Variants in OXNAD1 observed in about 807,000 individuals in gnomAD.
OXNAD1 encodes oxidoreductase NAD binding domain containing 1, also known as oxidoreductase NAD-binding domain-containing protein 1.
OXNAD1 carries 34 observed loss-of-function variants against 32.9 expected under a neutral mutation model. The observed-to-expected ratio is 1.03, with a 90% CI of 0.79 to 1.38. The LOEUF is 1.38. OXNAD1 is among the 40% of genes most tolerant of loss of function. The probability of loss-of-function intolerance (pLI) is 0.00; values close to 1 mark genes in which losing one functional copy is unlikely to be tolerated. For missense variants in OXNAD1, 407 were observed against 379.4 expected, an observed-to-expected ratio of 1.07 and a Z score of -0.60; for synonymous variants, 134 against 135.2, an observed-to-expected ratio of 0.99 and a Z score of 0.06.
intron 5 of OXNAD1, among the ~76,000 whole-genome samples, chr3:16,293,485 A>G (rs1027977951): frequency 6.6e-6 from 1 of 152,166 alleles, no homozygotes; most frequent in Non-Finnish European, 1.5e-5. Context: ...TGCAATCTGA[A>G]TGCCTTTTAT....
In OXNAD1 at chr3:16,327,322, A is replaced by C. The variant is rs1053017871; in HGVS notation, c.*31-9790A>C. 6.6e-6 allele frequency among the ~76,000 whole-genome samples: 1 copy of C among 152,198 alleles called. No individual in the cohort carries two copies. The highest frequency in any genetic ancestry group is 1.5e-5 in the Non-Finnish European group (1 of 68,030). ...GTCGTTTATGTCCAGCCACAGCAAC[A>C]CACACATGCACATCCACATGTGTGT... On this transcript the variant is annotated intron_variant, in intron 9 of 9. Coordinates refer to the OXNAD1 transcript ENST00000435829. The surrounding 1 kb of genome is among the most constrained non-coding windows in gnomAD (Gnocchi z 4.2).
rs1407569680 is a variant in OXNAD1 at position 16,336,425 on chromosome 3, C to T, written c.*31-687C>T. Among the ~76,000 whole-genome samples the T allele has an allele frequency of 6.6e-6, 1 of 152,226 alleles. No homozygotes were observed. Among genetic ancestry groups the T allele is most frequent in the Non-Finnish European group, 1.5e-5 (1 of 68,040 alleles). ...GGCGACCTGCTGCTCTGTGGAGAAA[C>T]AGCAAAGCCCTCTGCAGCCAGCACA... On this transcript the variant is annotated intron_variant, in intron 9 of 9. Transcript: ENST00000435829. The surrounding 1 kb of genome is among the most constrained non-coding windows in gnomAD (Gnocchi z 6.0).
In OXNAD1 at chr3:16,330,094, G is replaced by T. The variant is rs182655388; in HGVS notation, c.*31-7018G>T. On this transcript the variant is annotated intron_variant, in intron 9 of 9. Coordinates refer to the OXNAD1 transcript ENST00000435829. The stretch of plus-strand genomic sequence containing the variant: ...TCAGGGTAGGAGATGTCAGCCAGAG[G>T]GTACAGAATCATAAAGGCCAAAAGC... Among the ~76,000 whole-genome samples, 5 of 152,228 alleles carry T rather than the reference G, an allele frequency of 3.3e-5. No homozygotes were observed. The East Asian group carries it at 9.6e-4, about 29-fold the overall frequency.
chr3:16,317,596 A>G lies in OXNAD1; in HGVS notation c.*30+14004A>G, dbSNP rs936571602. On this transcript the variant is annotated intron_variant, in intron 9 of 9. Transcript: ENST00000435829. The surrounding 1 kb of genome is among the most constrained non-coding windows in gnomAD (Gnocchi z 4.3). ...AGATGTGAGGCCTGCCCCCAGTAAG[A>G]GCCAGAGCTGCAGCTACTCATTTCC... is the stretch of plus-strand genomic sequence containing the variant. Among the ~76,000 whole-genome samples, 1 of 152,168 alleles carries G rather than the reference A, an allele frequency of 6.6e-6. No homozygotes were observed. Among genetic ancestry groups the G allele is most frequent in the African/African-American group, 2.4e-5 (1 of 41,442 alleles).
downstream of OXNAD1, among the ~76,000 whole-genome samples, chr3:16,337,672 G>A (rs781008925): frequency 2.0e-5 from 3 of 151,146 alleles, no homozygotes; most frequent in African/African-American, 7.3e-5. The surrounding 1 kb of genome is among the most constrained non-coding windows in gnomAD (Gnocchi z 5.0). Flanking sequence ...AACCCAGGAG[G>A]CGGAGGTTGC....
Position 16,277,988 on chromosome 3 carries a change from A to C in OXNAD1, c.183+6266A>C, listed in dbSNP as rs2065465401. Among the ~76,000 whole-genome samples the C allele has an allele frequency of 6.6e-6, 1 of 152,220 alleles. No homozygotes were observed. The highest frequency in any genetic ancestry group is 6.5e-5 in the Admixed American group (1 of 15,284). On this transcript the variant is annotated intron_variant, in intron 4 of 8. Coordinates refer to ENST00000285083, the MANE Select transcript of OXNAD1 (RefSeq NM_138381.5). The surrounding 1 kb of genome is among the most constrained non-coding windows in gnomAD (Gnocchi z 4.3). ...CAGTAAAGATTGTTCAGGCAAGACA[A>C]ATTTTACTGGAGGGGGTCATTCCGT...
rs2070774652 is a variant in OXNAD1, at chr3:16,335,688, G to T, written c.*31-1424G>T. Among the ~76,000 whole-genome samples the T allele has an allele frequency of 6.6e-6, 1 of 151,722 alleles. No homozygotes were observed. The highest frequency in any genetic ancestry group is 6.6e-5 in the Admixed American group (1 of 15,248). On this transcript the variant is annotated intron_variant, in intron 9 of 9. Coordinates refer to the OXNAD1 transcript ENST00000435829. The surrounding 1 kb of genome is among the most constrained non-coding windows in gnomAD (Gnocchi z 4.7). The stretch of plus-strand genomic sequence containing the variant: ...AATGGATGCTGGGCTTCATACCTAG[G>T]TGATAGCCTGATCTGAGCAGCAACA...
Position 16,290,351 on chromosome 3 carries a change from G to T in OXNAD1, c.290+3903G>T, listed in dbSNP as rs1425529557. On this transcript the variant is annotated intron_variant, in intron 5 of 8. Transcript: ENST00000285083. The surrounding 1 kb of genome is among the most constrained non-coding windows in gnomAD (Gnocchi z 4.2). ...CATATTTTCTTAAATCCATTCAGATGAAGTTTTTATGTAACTTAAATTCTT... is the reference window on the plus strand; with the variant it reads ...CATATTTTCTTAAATCCATTCAGATTAAGTTTTTATGTAACTTAAATTCTT... Among the ~76,000 whole-genome samples the T allele has an allele frequency of 6.6e-6, 1 of 152,188 alleles. No homozygotes were observed. Among genetic ancestry groups the T allele is most frequent in the African/African-American group, 2.4e-5 (1 of 41,436 alleles).
Position 16,329,725 on chromosome 3 carries a change from G to A in OXNAD1, c.*31-7387G>A, listed in dbSNP as rs1451035552. ...AAATCCACACTCTCAAGCTTTGCGA[G>A]GTTATGATTACTTGGGCCTATCAAG... On this transcript the variant is annotated intron_variant, in intron 9 of 9. Coordinates refer to the OXNAD1 transcript ENST00000435829. The surrounding 1 kb of genome is among the most constrained non-coding windows in gnomAD (Gnocchi z 4.5). 6.6e-6 allele frequency among the ~76,000 whole-genome samples: 1 copy of A among 152,180 alleles called. No homozygotes were observed. Among genetic ancestry groups the A allele is most frequent in the Non-Finnish European group, 1.5e-5 (1 of 68,036 alleles).
rs971942083 is a variant in OXNAD1, at chr3:16,342,792, A to G, written c.*31-6384A>G. Among the ~76,000 whole-genome samples, 2 of 152,152 alleles carry G rather than the reference A, an allele frequency of 1.3e-5. No individual in the cohort carries two copies. The highest frequency in any genetic ancestry group is 2.9e-5 in the Non-Finnish European group (2 of 68,018). On this transcript the variant is annotated intron_variant, in intron 9 of 9. Transcript: ENST00000606098. The surrounding 1 kb of genome is among the most constrained non-coding windows in gnomAD (Gnocchi z 4.0). The stretch of plus-strand genomic sequence containing the variant: ...TCAACATGCATGCCCAGCTTATTCA[A>G]GTTGGAAGGGGTCAGGGTGGACCTC...
At chr3:16,337,809 T>C (rs2071008497), downstream of OXNAD1, among the ~76,000 whole-genome samples, 2 of 151,898 alleles carry the variant, frequency 1.3e-5, no homozygotes, top group South Asian at 4.2e-4. This position sits in a 1 kb window ranked among gnomAD's most constrained non-coding sequence, Gnocchi z 5.0. Flanking sequence ...ATATAGTTAC[T>C]GCTGAAGGGG....
chr3:16,323,322 C>A (rs2069295159), intron 9 of OXNAD1: 4 of 1,333,140 alleles, frequency 3.0e-6, no homozygotes, highest in South Asian at 1.2e-5. Flanking sequence ...AGAAAATCCA[C>A]TGAAGATGAA....
intron 9 of OXNAD1, chr3:16,347,652 C>G (rs1044193778): frequency 2.0e-5 from 3 of 152,272 alleles, no homozygotes; most frequent in Admixed American, 2.0e-4. Flanking sequence ...ACACCACCTC[C>G]TCTCTGGAAG....
rs1029576662 is a variant in OXNAD1, at chr3:16,336,930, C to T, written c.*31-182C>T. Among the ~76,000 whole-genome samples, 2 of 152,186 alleles carry T rather than the reference C, an allele frequency of 1.3e-5. No homozygotes were observed. Among genetic ancestry groups the T allele is most frequent in the Non-Finnish European group, 2.9e-5 (2 of 68,036 alleles). Reference sequence around the variant, plus strand: ...GGTGTCTATTATGACTTCCCTGTGTCCAGGCCACTTTCCAACACAGCTCGG... The same window carrying T: ...GGTGTCTATTATGACTTCCCTGTGTTCAGGCCACTTTCCAACACAGCTCGG... On this transcript the variant is annotated intron_variant, in intron 9 of 9. Coordinates refer to the OXNAD1 transcript ENST00000435829. The surrounding 1 kb of genome is among the most constrained non-coding windows in gnomAD (Gnocchi z 6.0).
chr3:16,332,413 GCTT>G (rs1462128725), intron 9 of OXNAD1, among the ~76,000 whole-genome samples: 4 of 87,388 alleles, frequency 4.6e-5, no homozygotes, highest in Admixed American at 1.2e-4. Flanking sequence ...TCTTTTGATT[GCTT>G]CTTTTTTTTT....
At chr3:16,306,595 T>C (rs1482859855), downstream of OXNAD1, among the ~76,000 whole-genome samples, 1 of 152,204 alleles carries the variant, frequency 6.6e-6, no homozygotes, top group Admixed American at 6.5e-5. Context: ...CACATATACA[T>C]GGACACTTTT....
chr3:16,301,776 C>T lies in OXNAD1; in HGVS notation c.583C>T (p.Leu195Phe). The stretch of plus-strand genomic sequence containing the variant: ...CATCCTGCGGCACGCAGCAGATCTC[C>T]TCAGAGAGCAGGCAAACAAAAGAAA... ...LSILRHAADL[L>F]REQANKRNGY... The change falls in exon 7 of 9, where the codon CTC (leucine) becomes TTC (phenylalanine). Residue 195 changes from leucine to phenylalanine, a missense_variant. Physicochemically the swap from Leu to Phe is conservative, Grantham distance 22. Coordinates refer to ENST00000285083, the MANE Select transcript of OXNAD1 (RefSeq NM_138381.5). The surrounding 1 kb of genome is among the most constrained non-coding windows in gnomAD (Gnocchi z 4.1). 6.2e-7 allele frequency: 1 copy of T among 1,614,074 alleles called. No homozygotes were observed. The highest frequency in any genetic ancestry group is 1.1e-5 in the South Asian group (1 of 91,084).
At chr3:16,266,670 G>C (rs1162793429) in intron 1 of OXNAD1, among the ~76,000 whole-genome samples, 3 of 151,596 alleles carry the variant, frequency 2.0e-5, no homozygotes, top group Non-Finnish European at 4.4e-5. Flanking sequence ...TTTGATGAGT[G>C]CTGTTGTATA....
intron 4 of OXNAD1, among the ~76,000 whole-genome samples, chr3:16,281,484 A>G (rs372165736): frequency 5.5e-4 from 83 of 152,016 alleles, no homozygotes; most frequent in South Asian, 1.9e-3. Context: ...GAGATGTTCA[A>G]CCTATAAGTA....
Sources: gnomAD v4.1 joint callset for allele counts (sites outside exome capture counted in the v4.1 genomes callset) on GRCh38, gnomAD v4.1.1 for gene constraint, Gnocchi (gnomAD v3.1) non-coding constraint, MANE v1.5 for transcripts, NCBI Gene and HGNC (gene_info 2026-07-23, HGNC 2026-07-21) for gene names.